Variants in CFAP54 observed in about 807,000 individuals in gnomAD.
CFAP54 encodes cilia and flagella associated protein 54.
CFAP54 carries 290 observed loss-of-function variants against 370.4 expected under a neutral mutation model. The observed-to-expected ratio is 0.78, with a 90% CI of 0.71 to 0.86. The LOEUF (loss-of-function observed/expected upper bound fraction) is 0.86, where lower values mean the gene tolerates loss of function less well. CFAP54 is among the 40% of genes least tolerant of loss of function. The pLI is 0.00. For missense variants in CFAP54, 3,399 were observed against 3,528.7 expected (o/e 0.96, Z 0.93); for synonymous variants, 1,206 against 1,236.5 (o/e 0.98, Z 0.52).
rs114478732 is a variant in CFAP54 at position 96,870,399 on chromosome 12, G to A, written c.*15-4719G>A. On this transcript the variant is annotated intron_variant, in intron 67 of 67. Transcript: ENST00000524981. Reference sequence around the variant, plus strand: ...AACTACCCTATGTTTGAATAGCAGCGTAGCATCATGGATGAGGGAGTCAGC... The same window carrying A: ...AACTACCCTATGTTTGAATAGCAGCATAGCATCATGGATGAGGGAGTCAGC... Among the ~76,000 whole-genome samples the A allele has an allele frequency of 4.5e-3, 681 of 152,282 alleles. 4 individuals carry two copies. The highest frequency in any genetic ancestry group is 0.016 in the African/African-American group (646 of 41,556).
intron 42 of CFAP54, among the ~76,000 whole-genome samples, 158 bp downstream of exon 42, chr12:96,685,396 T>A (rs1957317305): frequency 6.6e-6 from 1 of 152,178 alleles, no homozygotes; most frequent in Non-Finnish European, 1.5e-5. Flanking sequence ...TTATTTGTGA[T>A]GTTTATTGCT....
intron 66 of CFAP54, among the ~76,000 whole-genome samples, chr12:96,836,507 T>C (rs1959186606): frequency 6.6e-6 from 1 of 152,022 alleles, no homozygotes; most frequent in African/African-American, 2.4e-5. Flanking sequence ...GGAGGTGAGA[T>C]TACTAGCAGG....
At chr12:96,835,025 T>G (rs750319474) in intron 66 of CFAP54, among the ~76,000 whole-genome samples, 2 of 151,856 alleles carry the variant, frequency 1.3e-5, no homozygotes, top group Non-Finnish European at 2.9e-5. Flanking sequence ...GCAGGCAGGT[T>G]GTCCTGTCGT....
chr12:96,712,700 A>G (rs1045435504), intron 48 of CFAP54, among the ~76,000 whole-genome samples: 2 of 152,090 alleles, frequency 1.3e-5, no homozygotes, highest in Admixed American at 1.3e-4. Context: ...CCCAGCCTCT[A>G]GTAACCACCG....
Position 96,814,738 on chromosome 12 carries a change from A to G in CFAP54, c.8957+2896A>G, listed in dbSNP as rs545724909. 1.4e-4 allele frequency among the ~76,000 whole-genome samples: 22 copies of G among 152,152 alleles called. No homozygotes were observed. The South Asian group carries it at 4.4e-3, about 30-fold the overall frequency. On this transcript the variant is annotated intron_variant, in intron 64 of 67. Transcript: ENST00000524981. The stretch of plus-strand genomic sequence containing the variant: ...ACCCACCAACAGGCCCTAGTGTGTG[A>G]TGTTCCCCTCCCTGTGTCCATGTGT...
At chr12:96,651,467 C>A in intron 35 of CFAP54, 121 bp from the exon 36 acceptor site, 1 of 749,536 alleles carries the variant, frequency 1.3e-6, no homozygotes, top group Non-Finnish European at 2.2e-6. Context: ...TGTAAGTGAC[C>A]CTAACAAATG....
At chr12:96,548,690 C>T (rs1272013591) in intron 15 of CFAP54, among the ~76,000 whole-genome samples, 1 of 152,138 alleles carries the variant, frequency 6.6e-6, no homozygotes, top group African/African-American at 2.4e-5. Context: ...AAATTGAGAA[C>T]AGAGACTGAC....
At chr12:96,634,028 G>A (rs1455230758) in intron 32 of CFAP54, among the ~76,000 whole-genome samples, 1 of 140,080 alleles carries the variant, frequency 7.1e-6, no homozygotes, top group Non-Finnish European at 1.6e-5. Context: ...TTCTCTAATG[G>A]CTAATGATAG....
chr12:96,592,143 T>C (rs1204049189), intron 23 of CFAP54, among the ~76,000 whole-genome samples: 1 of 152,044 alleles, frequency 6.6e-6, no homozygotes, highest in African/African-American at 2.4e-5. Context: ...AAAGAAAGAA[T>C]GAGTGAGCAA....
intron 60 of CFAP54, among the ~76,000 whole-genome samples, chr12:96,779,791 C>G (rs1002558997): frequency 2.6e-5 from 4 of 151,588 alleles, no homozygotes; most frequent in African/African-American, 9.7e-5. Context: ...CACCCCAGCA[C>G]AAAGGGTTGC....
chr12:96,761,715 C>G (rs989217653), intron 58 of CFAP54, among the ~76,000 whole-genome samples: 5 of 152,106 alleles, frequency 3.3e-5, no homozygotes, highest in African/African-American at 1.2e-4. Context: ...CATGAATATG[C>G]AGTTGTCTCA....
At chr12:96,490,365 A>C (rs771722344) in intron 1 of CFAP54, among the ~76,000 whole-genome samples, 26 of 152,266 alleles carry the variant, frequency 1.7e-4, no homozygotes, top group Non-Finnish European at 3.1e-4. Context: ...AGAAGGAATT[A>C]AAGTGCACAT....
At chr12:96,810,047 A>G (rs1958915882) in intron 63 of CFAP54, among the ~76,000 whole-genome samples, 1 of 152,076 alleles carries the variant, frequency 6.6e-6, no homozygotes, top group Admixed American at 6.6e-5. Context: ...CAGCCGGGAG[A>G]GAGGAGGCAA....
chr12:96,850,364 A>G (rs750092495), intron 66 of CFAP54, among the ~76,000 whole-genome samples: 31 of 151,742 alleles, frequency 2.0e-4, no homozygotes, highest in Non-Finnish European at 4.0e-4. Flanking sequence ...GCACTGAGCC[A>G]AGGGCGGAGC....
intron 1 of CFAP54, among the ~76,000 whole-genome samples, chr12:96,494,870 G>A (rs1954931198): frequency 6.6e-6 from 1 of 151,878 alleles, no homozygotes; most frequent in South Asian, 2.1e-4. Context: ...GGGACTACAG[G>A]CGCAACCTAC....
intron 50 of CFAP54, among the ~76,000 whole-genome samples, chr12:96,727,903 C>T: frequency 6.6e-6 from 1 of 151,514 alleles, no homozygotes; most frequent in Non-Finnish European, 1.5e-5. Context: ...ATTTGCTTGT[C>T]TGTAAAGGAT....
intron 63 of CFAP54, among the ~76,000 whole-genome samples, chr12:96,794,211 T>C (rs954069770): frequency 6.6e-6 from 1 of 152,236 alleles, no homozygotes; most frequent in African/African-American, 2.4e-5. Flanking sequence ...GATGACTATG[T>C]GCTTAGATGG....
At chr12:96,568,364 A>G (rs1452949675) in intron 19 of CFAP54, among the ~76,000 whole-genome samples, 3 of 152,110 alleles carry the variant, frequency 2.0e-5, no homozygotes, top group South Asian at 4.1e-4. Context: ...TCTATTTTTT[A>G]TGAGGAGCCC....
At chr12:96,583,247 T>C (rs1247032865) in intron 22 of CFAP54, among the ~76,000 whole-genome samples, 1 of 152,180 alleles carries the variant, frequency 6.6e-6, no homozygotes, top group Non-Finnish European at 1.5e-5. Flanking sequence ...TCTGTGGCTA[T>C]TTTCTCTTCT....
Sources: allele counts gnomAD v4.1 joint callset (sites outside exome capture counted in the v4.1 genomes callset), GRCh38; gene constraint gnomAD v4.1.1; transcripts MANE v1.5; gene names NCBI Gene and HGNC (gene_info 2026-07-23, HGNC 2026-07-21).